The following CAPN15 variants were observed in gnomAD, a reference collection of about 807,000 sequenced individuals.
The protein encoded by CAPN15 is calpain 15.
A neutral mutation model predicts 97.9 loss-of-function variants in CAPN15; 53 were observed. The ratio of observed to expected loss-of-function variants is 0.54; its 90% CI spans 0.43 to 0.68. The LOEUF (loss-of-function observed/expected upper bound fraction) is 0.68, where lower values mean the gene tolerates loss of function less well. Ranked by LOEUF, CAPN15 falls within the 30% of genes least tolerant of loss-of-function variation. The probability of loss-of-function intolerance (pLI) is 0.00; values close to 1 mark genes in which losing one functional copy is unlikely to be tolerated. For missense variants in CAPN15, 1,592 were observed against 1,589.8 expected (o/e 1.00, Z -0.02); for synonymous variants, 922 against 722.5 (o/e 1.28, Z -4.43).
At position 551,320 on chromosome 16, in the gene CAPN15, C is replaced by T. The variant is rs145916590; in HGVS notation, c.2085C>T (p.Ser695=). 1.5e-3 allele frequency: 2,448 copies of T among 1,606,080 alleles called. 1 individual carries two copies. Among genetic ancestry groups the T allele is most frequent in the Non-Finnish European group, 1.7e-3 (2,037 of 1,176,362 alleles). The change falls in exon 8 of 14, where the codon TCC becomes TCT. Residue 695 remains serine (S), a synonymous_variant. Coordinates refer to ENST00000219611, the MANE Select transcript of CAPN15 (RefSeq NM_005632.3). ...CACACAGGTTCCTCATGGGTGCCTC[C>T]TGTGGCGGGGGCAACATGAAGGTGG... ...SKEAGFLMGA[S]CGGGNMKVDD... is the part of the protein sequence containing the mutation.
At chr16:536,426 ATT>A (rs34372742) in intron 3 of CAPN15, among the ~76,000 whole-genome samples, 62 of 145,082 alleles carry the variant, frequency 4.3e-4, no homozygotes, top group East Asian at 6.1e-4. Context: ...CTGGGAGCCT[ATT>A]TTTTTTTTTT....
chr16:547,995 C>A lies in CAPN15; in HGVS notation c.1157C>A (p.Ala386Asp). 6.3e-7 allele frequency: 1 copy of A among 1,580,428 alleles called. No homozygotes were observed. The highest frequency in any genetic ancestry group is 1.8e-5 in the Admixed American group (1 of 56,634). The change falls in exon 4 of 14, where the codon GCC (alanine) becomes GAC (aspartate). Residue 386 changes from alanine to aspartate, a missense_variant. Ala to Asp is a moderately radical substitution (Grantham distance 126). This residue lies in a region of CAPN15 where 883 missense variants were observed against 776.6 expected (regional missense o/e 1.14). Coordinates refer to ENST00000219611, the MANE Select transcript of CAPN15 (RefSeq NM_005632.3). ...EPPTHCPDCG[A>D]DKPSPCGRSC... ...CCCACCCACTGCCCCGACTGTGGGG[C>A]CGACAAGCCCAGCCCCTGCGGCAGA...
chr16:539,815 CGT>C (rs2033989434), intron 3 of CAPN15: 1 of 152,336 alleles, frequency 6.6e-6, no homozygotes, highest in African/African-American at 2.4e-5. Context: ...AAAGCAAAAG[CGT>C]GTGATCTCTT....
intron 1 of CAPN15, among the ~76,000 whole-genome samples, chr16:528,490 G>A (rs1292386882): frequency 6.6e-6 from 1 of 152,220 alleles, no homozygotes; most frequent in Non-Finnish European, 1.5e-5. Context: ...CACCTGGCGT[G>A]GAGGGGCTGG....
chr16:552,626 T>A lies in CAPN15; in HGVS notation c.2759T>A (p.Val920Asp). 2 of 1,536,014 alleles carry A rather than the reference T, an allele frequency of 1.3e-6. No individual in the cohort carries two copies. Among genetic ancestry groups the A allele is most frequent in the Non-Finnish European group, 1.7e-6 (2 of 1,142,992 alleles). Residue 920 changes from valine (V) to aspartate (D), a missense_variant, in exon 12 of 14, where the codon GTC becomes GAC. Transcript: ENST00000219611. This position sits in a 1 kb window ranked among gnomAD's most constrained non-coding sequence, Gnocchi z 6.4. The part of the protein sequence containing the change: ...APQASSPSAG[V>D]PRASPEPPGH... ...GTAGCCTCCAGCCCCTCGGCAGGGG[T>A]CCCGAGAGCCTCCCCAGAGCCGCCG...
rs1380033228 is a variant in CAPN15, at chr16:552,730, G to A, written c.2863G>A (p.Ala955Thr). 2.1e-5 allele frequency: 32 copies of A among 1,543,928 alleles called. 1 individual carries two copies. Among genetic ancestry groups the A allele is most frequent in the Non-Finnish European group, 2.5e-5 (29 of 1,145,524 alleles). The stretch of plus-strand genomic sequence containing the variant: ...AGCCCAGCCGACCACGCTGGCCGAC[G>A]CCATCATCCTGCTCACCGAGAGCCG... ...VEAQPTTLADAIILLTESRGE... is the reference protein window; with the variant it reads ...VEAQPTTLADTIILLTESRGE... The change falls in exon 12 of 14, where the codon GCC becomes ACC. Residue 955 changes from alanine to threonine, a missense_variant. Ala to Thr is a moderately conservative substitution (Grantham distance 58). Transcript: ENST00000219611. The surrounding 1 kb of genome is among the most constrained non-coding windows in gnomAD (Gnocchi z 6.4).
At chr16:538,478 G>A (rs958305815) in intron 3 of CAPN15, 1 of 152,190 alleles carries the variant, frequency 6.6e-6, no homozygotes, top group Admixed American at 6.5e-5. Flanking sequence ...CAGGGTGCAG[G>A]GCCCGCAATG....
At chr16:528,159 G>C (rs1483526101) in intron 1 of CAPN15, 130 bp downstream of exon 1, 1 of 150,722 alleles carries the variant, frequency 6.6e-6, no homozygotes, top group Non-Finnish European at 1.5e-5. Context: ...GGCGCGCCGG[G>C]CTCCGAGCCA....
In CAPN15 at chr16:547,182, C is replaced by A; in HGVS notation, c.344C>A (p.Ala115Asp). The A allele has an allele frequency of 6.5e-7, 1 of 1,534,626 alleles. No individual in the cohort carries two copies. The highest frequency in any genetic ancestry group is 2.0e-5 in the Admixed American group (1 of 50,638). Residue 115 changes from alanine (A) to aspartate (D), a missense_variant, in exon 4 of 14, where the codon GCC becomes GAC. By Grantham distance (126) the Ala-to-Asp change is moderately radical (BLOSUM62 -2). Transcript: ENST00000219611. ...CCAGTGAGGACTGCGGGGCTGGTGG[C>A]CACGGAGCCCGCCAGGGGGCAGTGC... ...AGPVRTAGLV[A>D]TEPARGQCED...
chr16:529,516 G>T (rs1263989304), intron 1 of CAPN15, among the ~76,000 whole-genome samples: 2 of 152,182 alleles, frequency 1.3e-5, no homozygotes, highest in Non-Finnish European at 2.9e-5. Flanking sequence ...CCTCCTGCTG[G>T]TTCCACCAGT....
intron 3 of CAPN15, chr16:537,249 C>G (rs1184877196): frequency 1.0e-5 from 10 of 985,544 alleles, no homozygotes; most frequent in African/African-American, 3.5e-5. Context: ...CTGAGACTGG[C>G]TCCAGCTCAA....
chr16:549,506 G>A (rs2034838919), intron 6 of CAPN15, 35 bp downstream of exon 6: 1 of 1,555,042 alleles, frequency 6.4e-7, no homozygotes, highest in South Asian at 1.2e-5. Context: ...CGGGCGGCAG[G>A]GGCAGCCTCT....
intron 1 of CAPN15, among the ~76,000 whole-genome samples, chr16:530,443 G>T (rs906670162): frequency 6.6e-6 from 1 of 152,220 alleles, no homozygotes; most frequent in Non-Finnish European, 1.5e-5. Context: ...TAGCACAGCA[G>T]CCCCTGTGGC....
At chr16:528,731 C>T in intron 1 of CAPN15, 1 of 985,426 alleles carries the variant, frequency 1.0e-6, no homozygotes, top group Non-Finnish European at 1.2e-6. Context: ...GTAACAAGAC[C>T]CGGAAAGCAA....
intron 3 of CAPN15, among the ~76,000 whole-genome samples, chr16:546,168 C>T (rs568693644): frequency 2.2e-4 from 33 of 152,366 alleles, no homozygotes; most frequent in African/African-American, 7.7e-4. Context: ...GGAGTTCGCT[C>T]GGCTCCACAG....
At chr16:548,478 C>T (rs1381896192) in intron 4 of CAPN15, among the ~76,000 whole-genome samples, 191 bp downstream of exon 4, 1 of 152,262 alleles carries the variant, frequency 6.6e-6, no homozygotes, top group Non-Finnish European at 1.5e-5. Context: ...CCTCCTGACC[C>T]TTGGTCCTTG....
chr16:553,109 C>A, intron 13 of CAPN15, 68 bp downstream of exon 13: 2 of 879,800 alleles, frequency 2.3e-6, no homozygotes, highest in Non-Finnish European at 3.3e-6. Flanking sequence ...TGCACCCACA[C>A]CCAACTCGTG....
At chr16:528,608 C>T in intron 1 of CAPN15, 1 of 433,450 alleles carries the variant, frequency 2.3e-6, no homozygotes, top group Non-Finnish European at 3.1e-6. Flanking sequence ...CCGCTGGCTG[C>T]AGAAGGGGCC....
rs1305085638 is a variant in CAPN15 at position 554,632 on chromosome 16, T to C, written c.*1116T>C. 1 of 456,094 alleles carries C rather than the reference T, an allele frequency of 2.2e-6. No individual in the cohort carries two copies. Among genetic ancestry groups the C allele is most frequent in the Non-Finnish European group, 4.4e-6 (1 of 226,736 alleles). The allele number at this position is 456,094 out of a possible 1,614,324, so 28.3% of individuals were successfully genotyped here. A position where few individuals can be genotyped will look rare whatever the true frequency, so the allele number is the denominator to read the frequency against. On this transcript the variant is annotated 3_prime_UTR_variant, in exon 14 of 14. Coordinates refer to ENST00000219611, the MANE Select transcript of CAPN15 (RefSeq NM_005632.3). ...TGGACCAAATAAAAGCGTTTTGTTT[T>C]GTAATCACGCCTCCTCCTCCTGCTG...
Sources: gnomAD v4.1 joint callset for allele counts (sites outside exome capture counted in the v4.1 genomes callset) on GRCh38, gnomAD v4.1.1 for gene constraint, gnomAD v4.1.1 regional missense constraint, Gnocchi (gnomAD v3.1) non-coding constraint, MANE v1.5 for transcripts, NCBI Gene and HGNC (gene_info 2026-07-23, HGNC 2026-07-21) for gene names.